PSMA5: variants seen among roughly 807,000 people sequenced by gnomAD.
The protein encoded by PSMA5 is proteasome 20S subunit alpha 5.
PSMA5 carries 3 observed loss-of-function variants against 34.5 expected under a neutral mutation model. The ratio of observed to expected loss-of-function variants is 0.09; its 90% confidence interval spans 0.04 to 0.22. The LOEUF (loss-of-function observed/expected upper bound fraction) is 0.22, where lower values mean the gene tolerates loss of function less well. Ranked by LOEUF, PSMA5 falls within the 10% of genes least tolerant of loss-of-function variation. The pLI, the probability that PSMA5 is intolerant of heterozygous loss-of-function variation, is 1.00. For missense variants in PSMA5, 120 were observed against 286.1 expected (o/e 0.42, Z 4.19); for synonymous variants, 88 against 95.8 (o/e 0.92, Z 0.47).
chr1:109,407,247 A>G (rs1045962539), intron 8 of PSMA5, among the ~76,000 whole-genome samples: 13 of 152,270 alleles, frequency 8.5e-5, no homozygotes, highest in African/African-American at 3.1e-4. Flanking sequence ...TCGGCCTCCC[A>G]AAGTGCTGAG....
At chr1:109,413,403 A>G (rs187022809) in intron 3 of PSMA5, among the ~76,000 whole-genome samples, 1 of 152,330 alleles carries the variant, frequency 6.6e-6, no homozygotes, top group East Asian at 1.9e-4. Context: ...ATGAATTTCC[A>G]CATATTACAT....
chr1:109,423,582 A>T (rs1441600983), intron 1 of PSMA5, among the ~76,000 whole-genome samples: 1 of 152,206 alleles, frequency 6.6e-6, no homozygotes, highest in Non-Finnish European at 1.5e-5. Context: ...CCACCTTGCA[A>T]AATTGACTTC....
intron 3 of PSMA5, among the ~76,000 whole-genome samples, chr1:109,414,327 G>A (rs548091816): frequency 3.0e-4 from 46 of 152,260 alleles, no homozygotes; most frequent in African/African-American, 1.1e-3. Flanking sequence ...CACTACCGCT[G>A]ACTCCAGGCA....
chr1:109,410,277 G>T (rs897371618), intron 7 of PSMA5, among the ~76,000 whole-genome samples: 1 of 152,088 alleles, frequency 6.6e-6, no homozygotes, highest in African/African-American at 2.4e-5. Context: ...AAGGGGAAAG[G>T]GATAGACTAG....
chr1:109,411,966 A>T, intron 5 of PSMA5, 31 bp from the exon 6 acceptor site: 1 of 1,597,892 alleles, frequency 6.3e-7, no homozygotes, highest in East Asian at 2.2e-5. Flanking sequence ...ATATTAAGAT[A>T]AATGGCTATA....
chr1:109,409,019 C>T (rs575927173), intron 8 of PSMA5, among the ~76,000 whole-genome samples: 9 of 151,974 alleles, frequency 5.9e-5, no homozygotes, highest in African/African-American at 1.9e-4. Flanking sequence ...GTTTCATCTC[C>T]GTTTATATTT....
intron 2 of PSMA5, 148 bp from the exon 3 acceptor site, chr1:109,415,511 T>TA: frequency 1.6e-6 from 1 of 638,630 alleles, no homozygotes; most frequent in Non-Finnish European, 2.3e-6. Flanking sequence ...TAACATACTG[T>TA]AAGTAATTAA....
At chr1:109,418,746 GA>G (rs1287304692) in intron 2 of PSMA5, among the ~76,000 whole-genome samples, 1 of 151,762 alleles carries the variant, frequency 6.6e-6, no homozygotes, top group Non-Finnish European at 1.5e-5. Flanking sequence ...TGTCCACAAG[GA>G]AAAAAATTTT....
intron 2 of PSMA5, among the ~76,000 whole-genome samples, chr1:109,420,085 T>C (rs1470765959): frequency 6.6e-6 from 1 of 152,050 alleles, no homozygotes; most frequent in Non-Finnish European, 1.5e-5. Context: ...CATCCTAAAT[T>C]AAGCAAATAT....
At position 109,411,107 on chromosome 1, in the gene PSMA5, A is replaced by G. The variant is rs773927613; in HGVS notation, c.465T>C (p.His155=). ...GTACAAAGGTCCCAGATGGGTCCAT[A>G]TGAAACCTGCAAAACCCCCAAAATG... is the stretch of plus-strand genomic sequence containing the variant. ...GVDEKGPQLF[H]MDPSGTFVQC... Residue 155 remains histidine (H), a synonymous_variant, in exon 7 of 9, where the codon CAT becomes CAC. Transcript: ENST00000271308. 1.9e-6 allele frequency: 3 copies of G among 1,611,914 alleles called. No individual in the cohort carries two copies. Among genetic ancestry groups the G allele is most frequent in the East Asian group, 4.5e-5 (2 of 44,866 alleles).
Position 109,400,712 on chromosome 1 carries a change from T to C in PSMA5, c.*1301A>G, listed in dbSNP as rs1209712863. 6.6e-6 allele frequency: 1 copy of C among 152,258 alleles called. No homozygotes were observed. Among genetic ancestry groups the C allele is most frequent in the Admixed American group, 6.5e-5 (1 of 15,288 alleles). The allele number at this position is 152,258 out of a possible 1,614,324, so 9.4% of individuals were successfully genotyped here. ...CAAATGTATATAAACATGTTGTTTTTTGTTGAACTACAGTATGGATTTAGT... is the reference window on the plus strand; with the variant it reads ...CAAATGTATATAAACATGTTGTTTTCTGTTGAACTACAGTATGGATTTAGT... On this transcript the variant is annotated 3_prime_UTR_variant, in exon 9 of 9. Transcript: ENST00000271308.
intron 1 of PSMA5, 30 bp from the exon 2 acceptor site, chr1:109,421,956 A>G: frequency 7.4e-7 from 1 of 1,358,770 alleles, no homozygotes; most frequent in Non-Finnish European, 9.7e-7. Flanking sequence ...TATTAATTAT[A>G]CTCATAAAAA....
At chr1:109,420,344 CA>C (rs750554666) in intron 2 of PSMA5, among the ~76,000 whole-genome samples, 7 of 151,968 alleles carry the variant, frequency 4.6e-5, no homozygotes, top group Non-Finnish European at 7.4e-5. Context: ...CTTCATCTTT[CA>C]TAATGAAAAG....
chr1:109,418,357 C>T (rs1052123074), intron 2 of PSMA5, among the ~76,000 whole-genome samples: 2 of 152,148 alleles, frequency 1.3e-5, no homozygotes, highest in Non-Finnish European at 2.9e-5. Context: ...CACTCTGTTG[C>T]CCACGATGGA....
At position 109,409,897 on chromosome 1, in the gene PSMA5, G is replaced by A. The variant is rs1553204293; in HGVS notation, c.648+31C>T. 2.8e-5 allele frequency: 43 copies of A among 1,518,354 alleles called. No individual in the cohort carries two copies. In the Middle Eastern group the frequency reaches 5.3e-4, roughly 19 times the overall value. The allele number at this position is 1,518,354 out of a possible 1,614,324, so 94.1% of individuals were successfully genotyped here. On this transcript the variant is annotated intron_variant, in intron 8 of 8. Transcript: ENST00000271308. ...GACCTCATCTCTTAAAAAAAAAACC[G>A]AAAAAAATCCAACAATAAAACAGAA...
chr1:109,409,135 C>T (rs1192370547), intron 8 of PSMA5, among the ~76,000 whole-genome samples: 1 of 152,126 alleles, frequency 6.6e-6, no homozygotes, highest in Non-Finnish European at 1.5e-5. Context: ...ATTGTTTTCT[C>T]CACTCATCAT....
intron 1 of PSMA5, chr1:109,425,360 T>C (rs1654613177): frequency 6.6e-6 from 1 of 152,228 alleles, no homozygotes; most frequent in Admixed American, 6.5e-5. Context: ...AAGATGATTC[T>C]CTTCAATGTT....
chr1:109,416,871 G>A lies in PSMA5; in HGVS notation c.97-1508C>T, dbSNP rs551603980. ...TGTAATCCCAGCACTTTGGGAGGCT[G>A]AGGTGGGCAGATTGCATGAGTCCAG... On this transcript the variant is annotated intron_variant, in intron 2 of 8. Coordinates refer to ENST00000271308, the MANE Select transcript of PSMA5 (RefSeq NM_002790.4). Among the ~76,000 whole-genome samples the A allele has an allele frequency of 2.0e-5, 3 of 152,328 alleles. No homozygotes were observed. In the East Asian group the frequency reaches 5.8e-4, roughly 29 times the overall value.
chr1:109,408,214 T>C (rs1391961648), intron 8 of PSMA5, among the ~76,000 whole-genome samples: 1 of 152,164 alleles, frequency 6.6e-6, no homozygotes, highest in Non-Finnish European at 1.5e-5. Flanking sequence ...TCTCATCCCT[T>C]ACCGTCCCCC....
Sources: allele counts gnomAD v4.1 joint callset (sites outside exome capture counted in the v4.1 genomes callset), GRCh38; gene constraint gnomAD v4.1.1; transcripts MANE v1.5; gene names NCBI Gene and HGNC (gene_info 2026-07-23, HGNC 2026-07-21).